ATP10A: variants seen among roughly 807,000 people sequenced by gnomAD.
The protein encoded by ATP10A is phospholipid-transporting ATPase VA.
A neutral mutation model predicts 147.8 loss-of-function variants in ATP10A; 111 were observed. That is an observed-to-expected ratio of 0.75 (90% CI 0.64 to 0.88). The LOEUF (loss-of-function observed/expected upper bound fraction) is 0.88. ATP10A is among the 40% of genes least tolerant of loss of function. The pLI, the probability that ATP10A is intolerant of heterozygous loss-of-function variation, is 0.00. For synonymous variants in ATP10A, 875 were observed against 841.6 expected, an observed-to-expected ratio of 1.04 and a Z score of -0.69; for missense variants, 1,927 against 1,959.0, an observed-to-expected ratio of 0.98 and a Z score of 0.31.
At chr15:25,701,690 G>A (rs1302746230) in intron 13 of ATP10A, among the ~76,000 whole-genome samples, 2 of 152,158 alleles carry the variant, frequency 1.3e-5, no homozygotes, top group Non-Finnish European at 2.9e-5. Context: ...GAGAAACCAG[G>A]CTGAACTTTG....
At position 25,679,085 on chromosome 15, in the gene ATP10A, A is replaced by G. The variant is rs560815557; in HGVS notation, c.*256T>C. ...TGCTTGTTCTTAAAAATGAGATGAAAAAATAAATCTAAACACACTTTTCAA... is the reference window on the plus strand; with the variant it reads ...TGCTTGTTCTTAAAAATGAGATGAAGAAATAAATCTAAACACACTTTTCAA... On this transcript the variant is annotated 3_prime_UTR_variant, in exon 21 of 21. Transcript: ENST00000555815. 5.0e-6 allele frequency: 1 copy of G among 200,952 alleles called. No homozygotes were observed. Among genetic ancestry groups the G allele is most frequent in the South Asian group, 1.9e-4 (1 of 5,302 alleles). 12.4% of individuals were successfully genotyped at this position (200,952 alleles called of 1,614,324 possible). A position where few individuals can be genotyped will look rare whatever the true frequency, so the allele number is the denominator to read the frequency against.
intron 3 of ATP10A, among the ~76,000 whole-genome samples, chr15:25,735,359 T>A (rs1887210961): frequency 6.6e-6 from 1 of 150,600 alleles, no homozygotes; most frequent in Admixed American, 6.6e-5. Flanking sequence ...ACACACACAC[T>A]CCGATTATTA....
rs1893803333 is a variant in ATP10A at position 25,862,443 on chromosome 15, C to T, written c.449+205G>A. On this transcript the variant is annotated intron_variant, in intron 1 of 20. Coordinates refer to ENST00000555815, the MANE Select transcript of ATP10A (RefSeq NM_024490.4). The stretch of plus-strand genomic sequence containing the variant: ...CACGCGTCCCCGCATCCAGGGCGCC[C>T]CTTTAGCTGCGGCGGAGGCACAGAG... The T allele has an allele frequency of 4.4e-6, 3 of 676,898 alleles. No homozygotes were observed. The East Asian group carries it at 8.2e-5, about 19-fold the overall frequency. The allele number at this position is 676,898 out of a possible 1,614,324, so 41.9% of individuals were successfully genotyped here. A position where few individuals can be genotyped will look rare whatever the true frequency, so the allele number is the denominator to read the frequency against.
chr15:25,684,357 C>A (rs971053283), intron 16 of ATP10A, among the ~76,000 whole-genome samples: 1 of 152,206 alleles, frequency 6.6e-6, no homozygotes, highest in African/African-American at 2.4e-5. Context: ...AGCATGAACT[C>A]CTCAGTCTCG....
At chr15:25,732,964 G>T (rs1205380597) in intron 3 of ATP10A, among the ~76,000 whole-genome samples, 1 of 152,096 alleles carries the variant, frequency 6.6e-6, no homozygotes, top group East Asian at 1.9e-4. Context: ...TTAGGAGAAG[G>T]CCGGGGCTCA....
chr15:25,863,053 C>A lies in ATP10A; in HGVS notation c.44G>T (p.Gly15Val). 1 of 1,252,522 alleles carries A rather than the reference C, an allele frequency of 8.0e-7. No individual in the cohort carries two copies. Among genetic ancestry groups the A allele is most frequent in the Non-Finnish European group, 1.0e-6 (1 of 1,002,048 alleles). The allele number at this position is 1,252,522 out of a possible 1,614,324, so 77.6% of individuals were successfully genotyped here. A position where few individuals can be genotyped will look rare whatever the true frequency, so the allele number is the denominator to read the frequency against. Residue 15 changes from glycine (G) to valine (V), a missense_variant, in exon 1 of 21, where the codon GGA becomes GTA. Gly to Val is a moderately radical substitution (Grantham distance 109, BLOSUM62 -3). Coordinates refer to ENST00000555815, the MANE Select transcript of ATP10A (RefSeq NM_024490.4). ...PAGTEEPGPP[G>V]RRRRREGRTR... ...CCTGCCCTCTCGGCGCCTCCGCCGT[C>A]CCGGAGGCCCGGGCTCCTCGGTCCC...
intron 2 of ATP10A, among the ~76,000 whole-genome samples, chr15:25,775,913 C>T (rs1889583863): frequency 6.6e-6 from 1 of 152,246 alleles, no homozygotes; most frequent in South Asian, 2.1e-4. Context: ...TCTGACATTT[C>T]ATATCCCTGT....
rs1899211899 is a variant in ATP10A, at chr15:25,679,000, G to A, written c.*341C>T. 6.5e-6 allele frequency: 1 copy of A among 153,358 alleles called. No homozygotes were observed. The highest frequency in any genetic ancestry group is 1.5e-5 in the Non-Finnish European group (1 of 68,638). The allele number at this position is 153,358 out of a possible 1,614,324, so 9.5% of individuals were successfully genotyped here. On this transcript the variant is annotated 3_prime_UTR_variant, in exon 21 of 21. Transcript: ENST00000555815. ...GTTCACACCTGCCTGCATTAACCATGAGCAGTCACACATTTGTACTCAGTG... is the reference window on the plus strand; with the variant it reads ...GTTCACACCTGCCTGCATTAACCATAAGCAGTCACACATTTGTACTCAGTG...
chr15:25,838,714 T>C (rs988190089), intron 1 of ATP10A, among the ~76,000 whole-genome samples: 1 of 152,088 alleles, frequency 6.6e-6, no homozygotes, highest in Admixed American at 6.6e-5. Context: ...CCTTTGAGAG[T>C]TGTGGCGCTT....
intron 1 of ATP10A, among the ~76,000 whole-genome samples, chr15:25,786,798 T>G (rs1171715370): frequency 2.0e-5 from 3 of 148,956 alleles, no homozygotes; most frequent in African/African-American, 7.4e-5. Context: ...GCTAGTTTTT[T>G]TTTTTTTTTT....
intron 2 of ATP10A, among the ~76,000 whole-genome samples, chr15:25,777,081 G>GCA (rs1233226285): frequency 1.4e-5 from 2 of 141,482 alleles, no homozygotes; most frequent in South Asian, 2.4e-4. Context: ...GTGCATGCGT[G>GCA]TGTGTGCATA....
At chr15:25,748,155 G>T (rs1232891888) in intron 2 of ATP10A, among the ~76,000 whole-genome samples, 7 of 152,080 alleles carry the variant, frequency 4.6e-5, no homozygotes, top group Non-Finnish European at 7.4e-5. Flanking sequence ...GTAGAGACAG[G>T]GTTTCACTGT....
At chr15:25,824,367 G>C (rs1892018354) in intron 1 of ATP10A, among the ~76,000 whole-genome samples, 1 of 151,596 alleles carries the variant, frequency 6.6e-6, no homozygotes. Context: ...CCAGCTTCTA[G>C]GGATGTGGAA....
intron 10 of ATP10A, chr15:25,708,709 G>A (rs1187529001): frequency 1.2e-5 from 2 of 173,766 alleles, no homozygotes; most frequent in Non-Finnish European, 2.5e-5. Flanking sequence ...CTTTTGCCCA[G>A]CCTATTAAAT....
chr15:25,781,057 G>A lies in ATP10A; in HGVS notation c.616C>T (p.Leu206=). 6.2e-7 allele frequency: 1 copy of A among 1,614,178 alleles called. No individual in the cohort carries two copies. The highest frequency in any genetic ancestry group is 8.5e-7 in the Non-Finnish European group (1 of 1,180,034). The stretch of plus-strand genomic sequence containing the variant: ...CCGCGGACCACCTGCCGCCGCTTCA[G>A]GTTGGTCTCTCCATCCAGGTTGGCG... The part of the protein sequence containing the change: ...ETANLDGETN[L]KRRQVVRGFS... Residue 206 remains leucine (L), a synonymous_variant, in exon 2 of 21, where the codon CTG becomes TTG. Transcript: ENST00000555815.
intron 2 of ATP10A, among the ~76,000 whole-genome samples, chr15:25,759,455 G>A (rs933879637): frequency 6.6e-6 from 1 of 152,124 alleles, no homozygotes; most frequent in Admixed American, 6.6e-5. Flanking sequence ...ATGGGAGGGA[G>A]GAGTTTGAGC....
intron 1 of ATP10A, among the ~76,000 whole-genome samples, chr15:25,827,264 A>G (rs147546853): frequency 3.0e-3 from 455 of 152,360 alleles, no homozygotes; most frequent in Non-Finnish European, 4.9e-3. Flanking sequence ...ACAAGAAACA[A>G]TAAACAGAGT....
chr15:25,712,533 G>C (rs201472830), intron 10 of ATP10A, among the ~76,000 whole-genome samples: 1 of 134,212 alleles, frequency 7.5e-6, no homozygotes, highest in Admixed American at 7.8e-5. Context: ...TGGAATAAGA[G>C]AGATTTTTTT....
At chr15:25,725,206 ACTGGTGC>A (rs980290297) in intron 5 of ATP10A, among the ~76,000 whole-genome samples, 1 of 152,192 alleles carries the variant, frequency 6.6e-6, no homozygotes, top group Non-Finnish European at 1.5e-5. Flanking sequence ...TGAGAATCTA[ACTGGTGC>A]CTGATGATCT....
Sources: allele counts gnomAD v4.1 joint callset (sites outside exome capture counted in the v4.1 genomes callset), GRCh38; gene constraint gnomAD v4.1.1; transcripts MANE v1.5; gene names NCBI Gene and HGNC (gene_info 2026-07-23, HGNC 2026-07-21).